Variants in TNIK observed in about 807,000 individuals in gnomAD.
TNIK encodes the protein TRAF2 and NCK interacting kinase, also known as TRAF2 and NCK-interacting protein kinase.
A neutral mutation model predicts 191.3 loss-of-function variants in TNIK; 49 were observed. The ratio of observed to expected loss-of-function variants is 0.26; its 90% CI spans 0.20 to 0.32. The LOEUF is 0.32. Among genes scored for constraint, TNIK ranks in the 10% least tolerant of loss-of-function variants. The probability of loss-of-function intolerance (pLI) is 1.00; values close to 1 mark genes in which losing one functional copy is unlikely to be tolerated. For missense variants in TNIK, 1,155 were observed against 1,702.3 expected (o/e 0.68, Z 5.66); for synonymous variants, 594 against 600.9 (o/e 0.99, Z 0.17).
intron 18 of TNIK, among the ~76,000 whole-genome samples, chr3:171,111,682 A>C (rs1269502929): frequency 6.6e-6 from 1 of 152,248 alleles, no homozygotes; most frequent in Non-Finnish European, 1.5e-5. Context: ...AGGAAATGAA[A>C]TCAGTACATT....
intron 2 of TNIK, among the ~76,000 whole-genome samples, chr3:171,342,696 A>G (rs1372212885): frequency 6.6e-6 from 1 of 152,238 alleles, no homozygotes. Flanking sequence ...GAATGAATAA[A>G]TGGGGCAGAA....
chr3:171,064,805 C>A (rs961298472), intron 32 of TNIK, among the ~76,000 whole-genome samples: 8 of 152,178 alleles, frequency 5.3e-5, no homozygotes, highest in Admixed American at 1.3e-4. Context: ...TAGGTAGTTG[C>A]TTTTGTCACT....
At chr3:171,255,600 A>G (rs1409762748) in intron 2 of TNIK, among the ~76,000 whole-genome samples, 1 of 152,234 alleles carries the variant, frequency 6.6e-6, no homozygotes, top group Non-Finnish European at 1.5e-5. Flanking sequence ...AGCAGCAGAG[A>G]ATAAATACAA....
At chr3:171,122,098 C>T (rs1267747468) in intron 18 of TNIK, among the ~76,000 whole-genome samples, 2 of 152,208 alleles carry the variant, frequency 1.3e-5, no homozygotes, top group Non-Finnish European at 2.9e-5. Flanking sequence ...GCCTTAATGT[C>T]ACTAAAATAG....
chr3:171,082,384 A>C lies in TNIK; in HGVS notation c.3180T>G (p.Leu1060=). Residue 1060 remains leucine, a synonymous_variant, in exon 27 of 33, where the codon CTT becomes CTG. Transcript: ENST00000436636. ...ILCAALWGVN[L]LVGTENGLML... ...TCAGGCCATTTTCAGTCCCCACCAGAAGGTTTACACCTGTAAATTTAAGAA... is the reference window on the plus strand; with the variant it reads ...TCAGGCCATTTTCAGTCCCCACCAGCAGGTTTACACCTGTAAATTTAAGAA... 6.2e-7 allele frequency: 1 copy of C among 1,613,846 alleles called. No homozygotes were observed. Among genetic ancestry groups the C allele is most frequent in the Non-Finnish European group, 8.5e-7 (1 of 1,179,786 alleles).
intron 2 of TNIK, among the ~76,000 whole-genome samples, chr3:171,275,239 TAG>T (rs1749587642): frequency 6.6e-6 from 1 of 152,114 alleles, no homozygotes; most frequent in Non-Finnish European, 1.5e-5. Flanking sequence ...AAAGCCCACA[TAG>T]AGAGTCACAA....
At chr3:171,427,246 G>T (rs1219623567) in intron 1 of TNIK, among the ~76,000 whole-genome samples, 2 of 152,070 alleles carry the variant, frequency 1.3e-5, no homozygotes, top group African/African-American at 4.8e-5. Context: ...CAGAAAAGCT[G>T]GCTTCCTTCT....
At chr3:171,432,262 T>C (rs1476899220) in intron 1 of TNIK, among the ~76,000 whole-genome samples, 1 of 152,018 alleles carries the variant, frequency 6.6e-6, no homozygotes, top group Non-Finnish European at 1.5e-5. Flanking sequence ...CACAACCAGA[T>C]GCAATTTCAA....
At chr3:171,231,967 T>C (rs1743708265) in intron 2 of TNIK, among the ~76,000 whole-genome samples, 1 of 152,132 alleles carries the variant, frequency 6.6e-6, no homozygotes, top group Non-Finnish European at 1.5e-5. Flanking sequence ...AAAACAAACT[T>C]TTAATATTTT....
intron 2 of TNIK, among the ~76,000 whole-genome samples, chr3:171,326,402 G>A (rs142607442): frequency 5.3e-4 from 81 of 152,026 alleles, no homozygotes; most frequent in African/African-American, 1.9e-3. Flanking sequence ...CGACAGAAGC[G>A]TATATAACAA....
At chr3:171,248,342 T>C (rs774913417) in intron 2 of TNIK, among the ~76,000 whole-genome samples, 10 of 152,248 alleles carry the variant, frequency 6.6e-5, no homozygotes, top group Non-Finnish European at 7.4e-5. Flanking sequence ...CACAGTTGAT[T>C]ATTAAGCAGT....
chr3:171,320,741 C>A (rs757803651), intron 2 of TNIK, among the ~76,000 whole-genome samples: 1 of 152,168 alleles, frequency 6.6e-6, no homozygotes, highest in Non-Finnish European at 1.5e-5. Flanking sequence ...CAGAGTAATG[C>A]CATTTGGCCC....
intron 1 of TNIK, among the ~76,000 whole-genome samples, chr3:171,403,813 T>C (rs972253672): frequency 5.4e-4 from 82 of 152,160 alleles, no homozygotes; most frequent in Admixed American, 2.6e-4. Context: ...TTCTAAACCA[T>C]GTGAAAGTAC....
chr3:171,189,130 A>C (rs1331709681), intron 6 of TNIK, among the ~76,000 whole-genome samples: 2 of 152,166 alleles, frequency 1.3e-5, no homozygotes, highest in Non-Finnish European at 2.9e-5. Flanking sequence ...CCATCTCTAT[A>C]AATTTGACTA....
At chr3:171,414,258 A>AAAGTGATC (rs1560042259) in intron 1 of TNIK, among the ~76,000 whole-genome samples, 1 of 152,224 alleles carries the variant, frequency 6.6e-6, no homozygotes, top group Non-Finnish European at 1.5e-5. Context: ...ATGGGAATGA[A>AAAGTGATC]AAGTGATCAT....
chr3:171,312,114 A>T (rs1024563144), intron 2 of TNIK, among the ~76,000 whole-genome samples: 2 of 70,760 alleles, frequency 2.8e-5, no homozygotes, highest in Non-Finnish European at 5.9e-5. Context: ...GCTCCAGATT[A>T]AAAAAAAAAA....
chr3:171,064,911 C>G (rs929029116), intron 32 of TNIK, among the ~76,000 whole-genome samples: 2 of 152,162 alleles, frequency 1.3e-5, no homozygotes, highest in African/African-American at 4.8e-5. Context: ...TGACATTCAC[C>G]TAATGCTGCA....
chr3:171,257,060 G>A (rs1043092702), intron 2 of TNIK, among the ~76,000 whole-genome samples: 1 of 152,084 alleles, frequency 6.6e-6, no homozygotes, highest in Admixed American at 6.5e-5. Context: ...CATGACAAGC[G>A]GCTGCACAGA....
chr3:171,437,660 G>T (rs1347006076), intron 1 of TNIK, among the ~76,000 whole-genome samples: 2 of 152,236 alleles, frequency 1.3e-5, no homozygotes, highest in Non-Finnish European at 2.9e-5. Flanking sequence ...AGGGAGGTGA[G>T]AGTAAATCTG....
Sources: gnomAD v4.1 joint callset for allele counts (sites outside exome capture counted in the v4.1 genomes callset) on GRCh38, gnomAD v4.1.1 for gene constraint, MANE v1.5 for transcripts, NCBI Gene and HGNC (gene_info 2026-07-23, HGNC 2026-07-21) for gene names.